Variants in MAP2K4 observed in about 807,000 individuals in gnomAD.
The protein encoded by MAP2K4 is dual specificity mitogen-activated protein kinase kinase 4.
Under a neutral mutation model 48.5 loss-of-function variants are expected in MAP2K4, and 4 were observed. The observed-to-expected ratio is 0.08, with a 90% confidence interval of 0.04 to 0.19. The LOEUF is 0.19. Ranked by LOEUF, MAP2K4 falls within the 10% of genes least tolerant of loss-of-function variation. MAP2K4 has a pLI of 1.00. For synonymous variants in MAP2K4, 166 were observed against 173.1 expected (o/e 0.96, Z 0.32); for missense variants, 258 against 493.3 (o/e 0.52, Z 4.52).
At chr17:12,067,308 T>A (rs888503293) in intron 2 of MAP2K4, among the ~76,000 whole-genome samples, 2 of 152,098 alleles carry the variant, frequency 1.3e-5, no homozygotes, top group African/African-American at 4.8e-5. Context: ...TCTTCATAGA[T>A]TGGTAATTTT....
At chr17:12,071,499 A>T (rs1017896023) in intron 2 of MAP2K4, among the ~76,000 whole-genome samples, 10 of 152,154 alleles carry the variant, frequency 6.6e-5, no homozygotes, top group African/African-American at 1.9e-4. Flanking sequence ...GAGTACTAAA[A>T]TATTCACTGG....
rs183849914 is a variant in MAP2K4, at chr17:12,122,790, A to G, written c.814-2504A>G. ...CTCTTGGTTATTTTAGATGCCCTTT[A>G]TGGAAATGAAGATGTTTTCTTCTCT... On this transcript the variant is annotated intron_variant, in intron 7 of 10. Transcript: ENST00000353533. Among the ~76,000 whole-genome samples the G allele has an allele frequency of 1.2e-4, 18 of 152,322 alleles. No individual in the cohort carries two copies. The East Asian group carries it at 3.1e-3, about 26-fold the overall frequency.
intron 2 of MAP2K4, among the ~76,000 whole-genome samples, chr17:12,064,812 G>A (rs28921682): frequency 0.036 from 5,432 of 152,228 alleles, 137 homozygotes; most frequent in Non-Finnish European, 0.049. Flanking sequence ...AGAACCCAGA[G>A]TGTTCAATAA....
chr17:12,067,966 A>G (rs1320809664), intron 2 of MAP2K4, among the ~76,000 whole-genome samples: 2 of 152,150 alleles, frequency 1.3e-5, no homozygotes, highest in East Asian at 3.9e-4. Context: ...CCTAATTTAG[A>G]AGGAGGGTGG....
At chr17:12,114,330 T>C (rs1430984146) in intron 7 of MAP2K4, among the ~76,000 whole-genome samples, 1 of 152,198 alleles carries the variant, frequency 6.6e-6, no homozygotes, top group Non-Finnish European at 1.5e-5. Context: ...TTCAATCCTC[T>C]TTTGGTTTTG....
At chr17:12,095,772 C>T (rs889727604) in intron 4 of MAP2K4, 78 bp downstream of exon 4, 26 of 1,459,928 alleles carry the variant, frequency 1.8e-5, no homozygotes, top group Middle Eastern at 1.8e-4. Flanking sequence ...CGATTCTATT[C>T]TTAAATGCCA....
intron 3 of MAP2K4, among the ~76,000 whole-genome samples, chr17:12,095,289 C>G (rs1971697486): frequency 6.6e-6 from 1 of 152,134 alleles, no homozygotes; most frequent in African/African-American, 2.4e-5. Flanking sequence ...TTAATTTTTA[C>G]TGCCTAAGAA....
intron 2 of MAP2K4, among the ~76,000 whole-genome samples, chr17:12,079,359 T>C (rs1426280598): frequency 6.6e-6 from 1 of 152,240 alleles, no homozygotes; most frequent in African/African-American, 2.4e-5. Context: ...AATTTCTATA[T>C]AGTAATGAAA....
chr17:12,133,172 C>T (rs1327444004), intron 9 of MAP2K4, among the ~76,000 whole-genome samples: 2 of 152,088 alleles, frequency 1.3e-5, no homozygotes, highest in Non-Finnish European at 2.9e-5. Context: ...ACCTCTGCCT[C>T]ACAGGTTCAA....
chr17:12,129,032 G>T, intron 8 of MAP2K4, 107 bp from the exon 9 acceptor site: 2 of 997,114 alleles, frequency 2.0e-6, no homozygotes, highest in East Asian at 2.5e-5. Context: ...TTAATTCAAG[G>T]CTTTACTAGA....
In MAP2K4 at chr17:12,020,913, C is replaced by T; in HGVS notation, c.27C>T (p.Gly9=). The change falls in exon 1 of 11, where the codon GGC becomes GGT. Residue 9 remains glycine (G), a synonymous_variant. Coordinates refer to ENST00000353533, the MANE Select transcript of MAP2K4 (RefSeq NM_003010.4). The part of the protein sequence containing the change: MAAPSPSG[G]GGSGGGSGSG... ...TGGCGGCTCCGAGCCCGAGCGGCGGCGGCGGCTCCGGGGGCGGCAGCGGCA... is the reference window on the plus strand; with the variant it reads ...TGGCGGCTCCGAGCCCGAGCGGCGGTGGCGGCTCCGGGGGCGGCAGCGGCA... 8.2e-7 allele frequency: 1 copy of T among 1,212,246 alleles called. No individual in the cohort carries two copies. The allele number at this position is 1,212,246 out of a possible 1,614,324, so 75.1% of individuals were successfully genotyped here. A position where few individuals can be genotyped will look rare whatever the true frequency, so the allele number is the denominator to read the frequency against.
intron 2 of MAP2K4, among the ~76,000 whole-genome samples, chr17:12,075,684 A>G (rs1033670412): frequency 5.9e-5 from 9 of 152,174 alleles, no homozygotes; most frequent in African/African-American, 2.2e-4. Flanking sequence ...ACACCTTTCA[A>G]ATTGGCATGA....
Position 12,121,233 on chromosome 17 carries a change from A to G in MAP2K4, c.814-4061A>G, listed in dbSNP as rs564066968. Among the ~76,000 whole-genome samples the G allele has an allele frequency of 7.2e-5, 11 of 152,312 alleles. No individual in the cohort carries two copies. The East Asian group carries it at 2.1e-3, about 29-fold the overall frequency. On this transcript the variant is annotated intron_variant, in intron 7 of 10. Transcript: ENST00000353533. Reference sequence around the variant, plus strand: ...ATATAGTTGTATATGAAACATAAATAAATTTCACGTTTAGACTTGGGTCCC... The same window carrying G: ...ATATAGTTGTATATGAAACATAAATGAATTTCACGTTTAGACTTGGGTCCC...
chr17:12,057,209 G>C (rs968055044), intron 2 of MAP2K4, among the ~76,000 whole-genome samples: 1 of 152,144 alleles, frequency 6.6e-6, no homozygotes. Context: ...AATATGGATT[G>C]AATGTCAAAT....
chr17:12,076,882 G>T (rs55644918), intron 2 of MAP2K4, among the ~76,000 whole-genome samples: 9 of 151,104 alleles, frequency 6.0e-5, no homozygotes, highest in East Asian at 1.9e-4. Context: ...TGTATTTTTT[G>T]TGTGTGTATC....
At chr17:12,028,847 T>C (rs535094439) in intron 1 of MAP2K4, among the ~76,000 whole-genome samples, 47 of 152,276 alleles carry the variant, frequency 3.1e-4, no homozygotes, top group Middle Eastern at 6.8e-3. Flanking sequence ...GGAATGGAGA[T>C]AACTACAAAA....
chr17:12,119,047 TTTTCA>T (rs1972590593), intron 7 of MAP2K4, among the ~76,000 whole-genome samples: 1 of 152,228 alleles, frequency 6.6e-6, no homozygotes, highest in Non-Finnish European at 1.5e-5. Context: ...AAGCTTCAGT[TTTTCA>T]TTTATTGACT....
chr17:12,110,533 T>C, intron 6 of MAP2K4, 107 bp downstream of exon 6: 1 of 796,886 alleles, frequency 1.3e-6, no homozygotes, highest in Non-Finnish European at 2.0e-6. Context: ...TCCTAAAATA[T>C]TTGTATTTTT....
At chr17:12,098,702 T>G (rs1005454298) in intron 4 of MAP2K4, among the ~76,000 whole-genome samples, 2 of 152,042 alleles carry the variant, frequency 1.3e-5, no homozygotes, top group African/African-American at 4.8e-5. Context: ...TCAGGACTTT[T>G]TAGCTTACCT....
Sources: allele counts gnomAD v4.1 joint callset (sites outside exome capture counted in the v4.1 genomes callset), GRCh38; gene constraint gnomAD v4.1.1; transcripts MANE v1.5; gene names NCBI Gene and HGNC (gene_info 2026-07-23, HGNC 2026-07-21).